TMEM132B: variants seen among roughly 807,000 people sequenced by gnomAD.
TMEM132B encodes transmembrane protein 132B.
In TMEM132B, 18 loss-of-function variants were observed where a neutral mutation model predicts 90.8. The observed-to-expected ratio is 0.20, with a 90% CI of 0.14 to 0.29. The LOEUF (loss-of-function observed/expected upper bound fraction) is 0.29. Among genes scored for constraint, TMEM132B ranks in the 10% least tolerant of loss-of-function variants. TMEM132B has a pLI of 1.00. For missense variants in TMEM132B, 1,096 were observed against 1,326.8 expected (o/e 0.83, Z 2.70); for synonymous variants, 504 against 523.3 (o/e 0.96, Z 0.50).
chr12:125,551,120 T>C (rs568600218), intron 4 of TMEM132B, among the ~76,000 whole-genome samples: 1 of 152,382 alleles, frequency 6.6e-6, no homozygotes, highest in South Asian at 2.1e-4. Flanking sequence ...GCCCTGGAGC[T>C]GGTTTAACGT....
chr12:125,302,179 A>G (rs753823696), intron 1 of TMEM132B, among the ~76,000 whole-genome samples: 5 of 151,970 alleles, frequency 3.3e-5, no homozygotes, highest in Admixed American at 6.6e-5. Context: ...CAGGCTGGCG[A>G]CAGAGGGAGA....
At chr12:125,609,992 G>A (rs527444518) in intron 5 of TMEM132B, among the ~76,000 whole-genome samples, 94 of 148,368 alleles carry the variant, frequency 6.3e-4, no homozygotes, top group African/African-American at 2.2e-3. Flanking sequence ...TTCTCTTTTC[G>A]TGCTTTTGTA....
rs983860735 is a variant in TMEM132B at position 125,473,285 on chromosome 12, C to A, written c.1107-46154C>A. On this transcript the variant is annotated intron_variant, in intron 3 of 8. Coordinates refer to ENST00000682704, the MANE Select transcript of TMEM132B (RefSeq NM_001366854.1). Reference sequence around the variant, plus strand: ...AGGCCTCTGCTCCAACACCACTTTTCCAAAAGGCCCACCCCCCACCATTAA... The same window carrying A: ...AGGCCTCTGCTCCAACACCACTTTTACAAAAGGCCCACCCCCCACCATTAA... 5.9e-5 allele frequency among the ~76,000 whole-genome samples: 9 copies of A among 152,288 alleles called. No homozygotes were observed. The South Asian group carries it at 6.2e-4, about 11-fold the overall frequency.
intron 1 of TMEM132B, among the ~76,000 whole-genome samples, chr12:125,253,124 AC>A (rs1874352770): frequency 1.3e-5 from 2 of 151,970 alleles, no homozygotes; most frequent in South Asian, 4.2e-4. Context: ...AGAGGAAATG[AC>A]CCCCTCGTGG....
chr12:125,209,777 A>C lies in TMEM132B; in HGVS notation c.67+22911A>C, dbSNP rs537926144. ...GGTTACTAATTTTATTAAAGAACAC[A>C]ATGACACCAGTTGTACCGGTATAGT... On this transcript the variant is annotated intron_variant, in intron 1 of 8. Coordinates refer to ENST00000682704, the MANE Select transcript of TMEM132B (RefSeq NM_001366854.1). The surrounding 1 kb of genome is among the most constrained non-coding windows in gnomAD (Gnocchi z 4.4). Among the ~76,000 whole-genome samples the C allele has an allele frequency of 7.9e-5, 12 of 152,346 alleles. No individual in the cohort carries two copies. Among genetic ancestry groups the C allele is most frequent in the African/African-American group, 2.6e-4 (11 of 41,578 alleles).
At chr12:125,189,866 C>T (rs764257610) in intron 1 of TMEM132B, among the ~76,000 whole-genome samples, 27 of 152,124 alleles carry the variant, frequency 1.8e-4, no homozygotes, top group Non-Finnish European at 2.9e-4. Flanking sequence ...TTCCCAGATG[C>T]GTCTCCCAGC....
At chr12:125,345,154 C>T (rs1387849876) in intron 1 of TMEM132B, among the ~76,000 whole-genome samples, 1 of 152,132 alleles carries the variant, frequency 6.6e-6, no homozygotes, top group Non-Finnish European at 1.5e-5. Flanking sequence ...GGTCACCTGG[C>T]CACCTGGCCC....
rs1282750575 is a variant in TMEM132B, at chr12:125,492,391, G to C, written c.1107-27048G>C. On this transcript the variant is annotated intron_variant, in intron 3 of 8. Transcript: ENST00000682704. The surrounding 1 kb of genome is among the most constrained non-coding windows in gnomAD (Gnocchi z 5.8). ...ACATGCATCTGTTGTCTGCAGCTTG[G>C]GTGTGAATTTCCCTCTTGAAACCTG... 3.3e-5 allele frequency among the ~76,000 whole-genome samples: 5 copies of C among 152,172 alleles called. No homozygotes were observed.
At chr12:125,457,215 T>A (rs1402041771) in intron 3 of TMEM132B, among the ~76,000 whole-genome samples, 1 of 152,246 alleles carries the variant, frequency 6.6e-6, no homozygotes, top group African/African-American at 2.4e-5. Flanking sequence ...CTCAGCTCTT[T>A]CCTTCTCTCC....
intron 3 of TMEM132B, among the ~76,000 whole-genome samples, chr12:125,476,430 A>G (rs1172723765): frequency 6.6e-6 from 1 of 152,158 alleles, no homozygotes. Flanking sequence ...CACTGAGTGT[A>G]ATGCTTTTGA....
chr12:125,488,587 G>A (rs1882262719), intron 3 of TMEM132B, among the ~76,000 whole-genome samples: 1 of 152,182 alleles, frequency 6.6e-6, no homozygotes, highest in African/African-American at 2.4e-5. Context: ...TGCCATCCAT[G>A]TAAGACATGA....
intron 4 of TMEM132B, among the ~76,000 whole-genome samples, chr12:125,529,887 T>C (rs1883598248): frequency 6.6e-6 from 1 of 152,262 alleles, no homozygotes; most frequent in Non-Finnish European, 1.5e-5. Context: ...TTGTGTATCA[T>C]TTTATTTCTT....
intron 1 of TMEM132B, among the ~76,000 whole-genome samples, chr12:125,243,932 C>A (rs1006771890): frequency 3.3e-5 from 5 of 152,236 alleles, no homozygotes; most frequent in Non-Finnish European, 7.3e-5. Flanking sequence ...CCTCTCCCCC[C>A]AGCCCCTGCC....
intron 1 of TMEM132B, among the ~76,000 whole-genome samples, chr12:125,292,737 C>T (rs1237379178): frequency 2.0e-5 from 3 of 152,136 alleles, no homozygotes; most frequent in Admixed American, 6.6e-5. Flanking sequence ...TTATGTCATT[C>T]GTATAGCTGG....
chr12:125,409,618 TG>T (rs1879639419), intron 2 of TMEM132B, among the ~76,000 whole-genome samples: 1 of 32,472 alleles, frequency 3.1e-5, no homozygotes. Context: ...TGGAGTGGAG[TG>T]GAGGAGTGGA....
rs114341761 is a variant in TMEM132B, at chr12:125,604,939, C to T, written c.1437+20945C>T. ...CCAGAGAATTTCAAGCCATCTGACC[C>T]GCTTTAGTGCACAAGGAAAGAAAGT... On this transcript the variant is annotated intron_variant, in intron 5 of 8. Coordinates refer to ENST00000682704, the MANE Select transcript of TMEM132B (RefSeq NM_001366854.1). Among the ~76,000 whole-genome samples, 161 of 152,264 alleles carry T rather than the reference C, an allele frequency of 1.1e-3. 1 individual carries two copies. Among genetic ancestry groups the T allele is most frequent in the African/African-American group, 3.6e-3 (150 of 41,542 alleles).
intron 1 of TMEM132B, among the ~76,000 whole-genome samples, chr12:125,204,277 G>A (rs1013267266): frequency 1.4e-5 from 2 of 140,156 alleles, no homozygotes; most frequent in East Asian, 2.2e-4. Context: ...TTTATGTGGA[G>A]TATCTCATGA....
At chr12:125,399,570 T>G (rs1182649013) in intron 2 of TMEM132B, among the ~76,000 whole-genome samples, 1 of 151,582 alleles carries the variant, frequency 6.6e-6, no homozygotes, top group Non-Finnish European at 1.5e-5. Context: ...TCTCAGAGAC[T>G]CTAGAAGGAA....
chr12:125,529,237 C>T (rs1182088347), intron 4 of TMEM132B, among the ~76,000 whole-genome samples: 1 of 152,010 alleles, frequency 6.6e-6, no homozygotes, highest in Non-Finnish European at 1.5e-5. Context: ...GGCATGCCAC[C>T]ATGCCTGGTT....
Sources: gnomAD v4.1 joint callset for allele counts (sites outside exome capture counted in the v4.1 genomes callset) on GRCh38, gnomAD v4.1.1 for gene constraint, Gnocchi (gnomAD v3.1) non-coding constraint, MANE v1.5 for transcripts, NCBI Gene and HGNC (gene_info 2026-07-23, HGNC 2026-07-21) for gene names.